MYH15: variants seen among roughly 807,000 people sequenced by gnomAD.
MYH15 encodes myosin-15.
MYH15 carries 227 observed loss-of-function variants against 240.5 expected under a neutral mutation model. That is an observed-to-expected ratio of 0.94 (90% CI 0.85 to 1.05). The LOEUF is 1.05. Among genes scored for constraint, MYH15 ranks in the 50% least tolerant of loss-of-function variants. MYH15 has a pLI of 0.00. For synonymous variants in MYH15, 785 were observed against 796.7 expected (o/e 0.99, Z 0.25); for missense variants, 2,217 against 2,247.5 (o/e 0.99, Z 0.27).
intron 28 of MYH15, among the ~76,000 whole-genome samples, chr3:108,420,741 A>G (rs1009589343): frequency 6.6e-6 from 1 of 152,210 alleles, no homozygotes; most frequent in African/African-American, 2.4e-5. Flanking sequence ...AAAATTTTAA[A>G]AAATTTAAAT....
intron 22 of MYH15, among the ~76,000 whole-genome samples, chr3:108,441,580 A>T (rs1273579032): frequency 6.6e-6 from 1 of 152,084 alleles, no homozygotes; most frequent in Admixed American, 6.5e-5. Context: ...TGTGCTGCTT[A>T]AACCACAGCT....
chr3:108,440,260 T>C (rs879893762), intron 23 of MYH15, among the ~76,000 whole-genome samples: 18 of 152,172 alleles, frequency 1.2e-4, no homozygotes, highest in Non-Finnish European at 2.4e-4. Context: ...CTAAAAGCAA[T>C]TGCAATTTCT....
In MYH15 at chr3:108,414,231, C is replaced by G; in HGVS notation, c.4145+1G>C. Reference sequence around the variant, plus strand: ...GTTAAGGATAGCCTTGCCCTACTCACTTGGCATCCTCCAAGTCTTCTGTTC... The same window carrying G: ...GTTAAGGATAGCCTTGCCCTACTCAGTTGGCATCCTCCAAGTCTTCTGTTC... On this transcript the variant is annotated splice_donor_variant, in intron 30 of 40. Transcript: ENST00000693548. LOFTEE classifies it high-confidence loss of function. 6.2e-7 allele frequency: 1 copy of G among 1,613,814 alleles called. No individual in the cohort carries two copies. Among genetic ancestry groups the G allele is most frequent in the Admixed American group, 1.7e-5 (1 of 60,026 alleles).
At position 108,501,822 on chromosome 3, in the gene MYH15, T is replaced by A. The variant is rs770289708; in HGVS notation, c.229A>T (p.Met77Leu). 3 of 1,614,092 alleles carry A rather than the reference T, an allele frequency of 1.9e-6. No homozygotes were observed. Among genetic ancestry groups the A allele is most frequent in the Non-Finnish European group, 2.5e-6 (3 of 1,179,952 alleles). ...LSIKEDKIQQ[M>L]NPPEFEMIED... is the part of the protein sequence containing the mutation. ...ATCATTTCAAACTCTGGAGGATTCA[T>A]CTGCTGGATTTTGTCCTCCTTTATG... Residue 77 changes from methionine (M) to leucine (L), a missense_variant, in exon 3 of 41, where the codon ATG (methionine) becomes TTG (leucine). Transcript: ENST00000693548.
intron 9 of MYH15, among the ~76,000 whole-genome samples, chr3:108,491,112 C>A (rs1352711822): frequency 6.6e-5 from 10 of 151,906 alleles, no homozygotes; most frequent in Non-Finnish European, 1.3e-4. Context: ...GGTCTCAAAC[C>A]CCTGACCTCA....
At chr3:108,422,771 T>C (rs575484080) in intron 27 of MYH15, among the ~76,000 whole-genome samples, 1 of 152,306 alleles carries the variant, frequency 6.6e-6, no homozygotes, top group Non-Finnish European at 1.5e-5. Context: ...TGATGAAAGC[T>C]GATGGTGAGC....
chr3:108,468,255 T>C (rs564397713), intron 14 of MYH15, among the ~76,000 whole-genome samples: 55 of 152,342 alleles, frequency 3.6e-4, no homozygotes, highest in African/African-American at 1.3e-3. Flanking sequence ...CATAAGCCAC[T>C]GCACCCAGCT....
chr3:108,525,109 T>C (rs1336482715), intron 1 of MYH15, among the ~76,000 whole-genome samples: 1 of 152,042 alleles, frequency 6.6e-6, no homozygotes, highest in African/African-American at 2.4e-5. Context: ...ATTGTCCTAA[T>C]TTCAGCTAAA....
chr3:108,544,303 A>C, the MYH15 span, among the ~76,000 whole-genome samples: 1 of 152,186 alleles, frequency 6.6e-6, no homozygotes, highest in African/African-American at 2.4e-5. Context: ...TTAAGGTGAT[A>C]CTATCGTTTG....
intron 9 of MYH15, among the ~76,000 whole-genome samples, chr3:108,492,072 C>G (rs968387964): frequency 5.3e-5 from 8 of 151,954 alleles, no homozygotes; most frequent in African/African-American, 1.9e-4. Flanking sequence ...GAAACCCCAT[C>G]TCTATTAAAA....
At position 108,444,725 on chromosome 3, in the gene MYH15, T is replaced by C; in HGVS notation, c.2570A>G (p.Lys857Arg). 6.2e-7 allele frequency: 1 copy of C among 1,614,040 alleles called. No homozygotes were observed. The highest frequency in any genetic ancestry group is 8.5e-7 in the Non-Finnish European group (1 of 1,179,960). The change falls in exon 22 of 41, where the codon AAA (lysine) becomes AGA (arginine). Residue 857 changes from lysine (K) to arginine (R), a missense_variant. By Grantham distance (26) the Lys-to-Arg change is conservative. Transcript: ENST00000693548. ...CAGTTCCTCCCTCTGAAACTCTGAT[T>C]TCTCCAAGGCTTTCTGTAATTGTGC... ...ECAQLQKALE[K>R]SEFQREELKA...
rs886354718 is a variant in MYH15 at position 108,430,984 on chromosome 3, T to C, written c.3222-62A>G. The C allele has an allele frequency of 5.2e-6, 6 of 1,157,674 alleles. No individual in the cohort carries two copies. The Admixed American group carries it at 1.1e-4, about 21-fold the overall frequency. 71.7% of individuals were successfully genotyped at this position (1,157,674 alleles called of 1,614,324 possible). A position where few individuals can be genotyped will look rare whatever the true frequency, so the allele number is the denominator to read the frequency against. On this transcript the variant is annotated intron_variant, in intron 25 of 40. Coordinates refer to ENST00000693548, the MANE Select transcript of MYH15 (RefSeq NM_014981.3). ...ATAATAACATTTTGTTTAAAGTAGT[T>C]AGAATTGTAATATTCCTAACACAAA...
At position 108,428,480 on chromosome 3, in the gene MYH15, G is replaced by A; in HGVS notation, c.3702+12C>T. On this transcript the variant is annotated intron_variant, in intron 27 of 40. Coordinates refer to ENST00000693548, the MANE Select transcript of MYH15 (RefSeq NM_014981.3). ...GTTCAGAAGACCACGAGGATGGCAT[G>A]GGAGTATCTACCTTAGCTCTTGTCA... The A allele has an allele frequency of 6.3e-7, 1 of 1,595,170 alleles. No individual in the cohort carries two copies. The highest frequency in any genetic ancestry group is 8.6e-7 in the Non-Finnish European group (1 of 1,168,008).
intron 20 of MYH15, 111 bp downstream of exon 20, chr3:108,455,625 T>C (rs1048501281): frequency 4.1e-6 from 5 of 1,206,654 alleles, no homozygotes; most frequent in Admixed American, 2.1e-5. Flanking sequence ...GTGATATTTA[T>C]GGTCATGAGA....
rs182324086 is a variant in MYH15, at chr3:108,500,199, C to A, written c.415G>T (p.Ala139Ser). The part of the protein sequence containing the change: ...LPVYQKEVMA[A>S]YKGKRRSEAP... The stretch of plus-strand genomic sequence containing the variant: ...TCTGATCGCCTCTTCCCTTTGTAGG[C>A]GGCCATGACTTCTTTCTGATACACG... The change falls in exon 4 of 41, where the codon GCC becomes TCC. Residue 139 changes from alanine (A) to serine (S), a missense_variant. Ala to Ser is a moderately conservative substitution (Grantham distance 99). Transcript: ENST00000693548. 3.0e-5 allele frequency: 49 copies of A among 1,614,002 alleles called. No homozygotes were observed. In the East Asian group the frequency reaches 8.7e-4, roughly 29 times the overall value.
At chr3:108,440,872 T>C (rs894256704) in intron 23 of MYH15, 146 bp downstream of exon 23, 4 of 917,522 alleles carry the variant, frequency 4.4e-6, no homozygotes, top group African/African-American at 3.3e-5. Context: ...GACTCTATAT[T>C]TTGTGCCAGT....
At chr3:108,385,165 G>A (rs1415241482) in intron 38 of MYH15, among the ~76,000 whole-genome samples, 5 of 152,138 alleles carry the variant, frequency 3.3e-5, no homozygotes, top group African/African-American at 1.2e-4. Context: ...TTCAGATGAC[G>A]AAAACAGCAA....
chr3:108,462,027 G>A (rs1359994945), intron 16 of MYH15: 1 of 152,128 alleles, frequency 6.6e-6, no homozygotes, highest in African/African-American at 2.4e-5. Flanking sequence ...TATTTCCCCA[G>A]AATTTCCATT....
intron 27 of MYH15, among the ~76,000 whole-genome samples, chr3:108,427,614 C>A (rs1330571360): frequency 1.1e-5 from 1 of 95,236 alleles, no homozygotes; most frequent in Non-Finnish European, 2.2e-5. Context: ...CACACACACA[C>A]ACAACACACA....
Sources: allele counts gnomAD v4.1 joint callset (sites outside exome capture counted in the v4.1 genomes callset), GRCh38; gene constraint gnomAD v4.1.1; transcripts MANE v1.5; gene names NCBI Gene and HGNC (gene_info 2026-07-23, HGNC 2026-07-21).